Variants in STXBP5L observed in about 807,000 individuals in gnomAD.
STXBP5L encodes the protein syntaxin-binding protein 5-like.
A neutral mutation model predicts 144.5 loss-of-function variants in STXBP5L; 65 were observed. The observed-to-expected ratio is 0.45, with a 90% CI of 0.37 to 0.55. The LOEUF is 0.55. STXBP5L is among the 20% of genes least tolerant of loss of function. STXBP5L has a pLI of 0.00. For synonymous variants in STXBP5L, 505 were observed against 469.6 expected (o/e 1.08, Z -0.97); for missense variants, 1,298 against 1,405.5 (o/e 0.92, Z 1.22).
intron 7 of STXBP5L, among the ~76,000 whole-genome samples, chr3:121,151,677 T>A (rs2045937901): frequency 6.6e-6 from 1 of 152,144 alleles, no homozygotes; most frequent in African/African-American, 2.4e-5. Flanking sequence ...CTGTCAGAAA[T>A]ATATCATTAT....
intron 9 of STXBP5L, among the ~76,000 whole-genome samples, chr3:121,186,632 C>G (rs929946680): frequency 4.6e-5 from 7 of 152,120 alleles, no homozygotes; most frequent in African/African-American, 1.4e-4. Context: ...CCTTGCATCC[C>G]AGGGATGAAG....
chr3:121,092,959 T>C (rs923137386), intron 5 of STXBP5L, among the ~76,000 whole-genome samples: 1 of 152,194 alleles, frequency 6.6e-6, no homozygotes, highest in Non-Finnish European at 1.5e-5. Flanking sequence ...AATACCTAAT[T>C]TATTGAGAGT....
intron 9 of STXBP5L, among the ~76,000 whole-genome samples, chr3:121,198,942 T>A (rs529448601): frequency 2.6e-5 from 4 of 152,226 alleles, no homozygotes; most frequent in Admixed American, 6.5e-5. Flanking sequence ...TTGTTCTTTT[T>A]GCTTAGGAGT....
At chr3:120,997,637 T>G (rs1472179470) in intron 3 of STXBP5L, among the ~76,000 whole-genome samples, 4 of 152,210 alleles carry the variant, frequency 2.6e-5, no homozygotes, top group Non-Finnish European at 5.9e-5. Flanking sequence ...TGTTTTTTGC[T>G]TTTTAATTTG....
chr3:121,312,037 T>C (rs1010623208), intron 19 of STXBP5L, among the ~76,000 whole-genome samples: 32 of 152,106 alleles, frequency 2.1e-4, no homozygotes, highest in East Asian at 7.7e-4. Context: ...GAAATAACGC[T>C]GCATATCTAC....
intron 7 of STXBP5L, among the ~76,000 whole-genome samples, chr3:121,141,346 T>A (rs1454440193): frequency 1.3e-5 from 2 of 151,992 alleles, no homozygotes; most frequent in Non-Finnish European, 2.9e-5. Flanking sequence ...GAAGTTGCGG[T>A]GAGCTGAGAT....
chr3:120,953,137 G>A (rs890821117), intron 2 of STXBP5L, among the ~76,000 whole-genome samples: 5 of 151,916 alleles, frequency 3.3e-5, no homozygotes, highest in East Asian at 1.9e-4. Context: ...GTCAGGCATT[G>A]TTCTAACAAG....
chr3:121,341,484 G>C lies in STXBP5L; in HGVS notation c.2176+22944G>C, dbSNP rs1044322127. Among the ~76,000 whole-genome samples, 52 of 152,026 alleles carry C rather than the reference G, an allele frequency of 3.4e-4. 2 individuals carry two copies. Among genetic ancestry groups the C allele is most frequent in the Non-Finnish European group, 1.5e-5 (1 of 67,966 alleles). Reference sequence around the variant, plus strand: ...AGTTCCTCAAAATACTAAAAATGCAGCTACCATATGATACAGCAATCCCAC... The same window carrying C: ...AGTTCCTCAAAATACTAAAAATGCACCTACCATATGATACAGCAATCCCAC... On this transcript the variant is annotated intron_variant, in intron 20 of 26. Transcript: ENST00000471454.
chr3:121,319,888 G>A (rs556699290), intron 20 of STXBP5L, among the ~76,000 whole-genome samples: 1 of 152,232 alleles, frequency 6.6e-6, no homozygotes, highest in South Asian at 2.1e-4. Flanking sequence ...AGGCCAAGGG[G>A]GGAGGATCAC....
Position 121,257,417 on chromosome 3 carries a change from C to T in STXBP5L, c.1832+84C>T, listed in dbSNP as rs1001814755. 9.7e-5 allele frequency: 126 copies of T among 1,293,678 alleles called. 4 individuals carry two copies. In the South Asian group the frequency reaches 1.5e-3, roughly 16 times the overall value. 80.1% of individuals were successfully genotyped at this position (1,293,678 alleles called of 1,614,324 possible). A position where few individuals can be genotyped will look rare whatever the true frequency, so the allele number is the denominator to read the frequency against. On this transcript the variant is annotated intron_variant, in intron 17 of 26. Transcript: ENST00000471454. ...CTGTGACAAATGAAATTAATTTTCT[C>T]TTATTATCAAGCTATTGTCAGGTGA...
intron 20 of STXBP5L, among the ~76,000 whole-genome samples, chr3:121,377,080 T>C (rs1299446442): frequency 6.6e-6 from 1 of 152,222 alleles, no homozygotes. Context: ...ATTGATTTTG[T>C]ATCCTGAGAC....
At chr3:121,171,775 C>T (rs890359293) in intron 9 of STXBP5L, among the ~76,000 whole-genome samples, 2 of 152,146 alleles carry the variant, frequency 1.3e-5, no homozygotes, top group African/African-American at 4.8e-5. Context: ...GGCCATACTG[C>T]CCAAAGTAAT....
At chr3:121,392,177 C>G (rs969306125) in intron 22 of STXBP5L, among the ~76,000 whole-genome samples, 1 of 152,112 alleles carries the variant, frequency 6.6e-6, no homozygotes, top group Non-Finnish European at 1.5e-5. Flanking sequence ...TAGCAGTAAG[C>G]AAGGCTCCAT....
At position 120,977,526 on chromosome 3, in the gene STXBP5L, A is replaced by G. The variant is rs1941208962; in HGVS notation, c.287+22489A>G. Reference sequence around the variant, plus strand: ...TTGGCAGTCTGTGTCTTTTAATTGTAGCATTTAGTCCTTTTACATTGAAAG... The same window carrying G: ...TTGGCAGTCTGTGTCTTTTAATTGTGGCATTTAGTCCTTTTACATTGAAAG... On this transcript the variant is annotated intron_variant, in intron 3 of 26. Coordinates refer to ENST00000471454, the MANE Select transcript of STXBP5L (RefSeq NM_001308330.2). Among the ~76,000 whole-genome samples, 3 of 152,134 alleles carry G rather than the reference A, an allele frequency of 2.0e-5. No homozygotes were observed. The South Asian group carries it at 6.2e-4, about 31-fold the overall frequency.
intron 9 of STXBP5L, among the ~76,000 whole-genome samples, chr3:121,178,645 T>G (rs545894402): frequency 5.2e-4 from 79 of 152,114 alleles, no homozygotes; most frequent in Non-Finnish European, 8.7e-4. Flanking sequence ...ACATCTCCAC[T>G]GGGGAATCTG....
chr3:121,008,533 A>G (rs1944524711), intron 3 of STXBP5L, among the ~76,000 whole-genome samples: 1 of 152,070 alleles, frequency 6.6e-6, no homozygotes, highest in Admixed American at 6.6e-5. Flanking sequence ...TAATGGGGAT[A>G]CAACACCAAA....
chr3:121,051,133 A>G (rs928568755), intron 5 of STXBP5L, among the ~76,000 whole-genome samples: 14 of 152,172 alleles, frequency 9.2e-5, no homozygotes, highest in South Asian at 2.1e-4. Flanking sequence ...CACAATAATA[A>G]TGGGAGACTT....
At chr3:120,953,387 G>A (rs1937658691) in intron 2 of STXBP5L, among the ~76,000 whole-genome samples, 1 of 138,828 alleles carries the variant, frequency 7.2e-6, no homozygotes, top group Non-Finnish European at 1.5e-5. Flanking sequence ...GGGGCGTAGT[G>A]ACATGATCAT....
intron 20 of STXBP5L, among the ~76,000 whole-genome samples, chr3:121,371,681 G>C (rs546592146): frequency 1.3e-5 from 2 of 152,358 alleles, no homozygotes; most frequent in East Asian, 3.9e-4. Flanking sequence ...ATTCATGCTA[G>C]TGGTGGTGTT....
Sources: gnomAD v4.1 joint callset for allele counts (sites outside exome capture counted in the v4.1 genomes callset) on GRCh38, gnomAD v4.1.1 for gene constraint, MANE v1.5 for transcripts, NCBI Gene and HGNC (gene_info 2026-07-23, HGNC 2026-07-21) for gene names.